SPTY2D1: variants seen among roughly 807,000 people sequenced by gnomAD.
SPTY2D1 encodes the protein SPT2 chromatin protein domain containing 1, also known as protein SPT2 homolog.
A neutral mutation model predicts 64.0 loss-of-function variants in SPTY2D1; 21 were observed. That is an observed-to-expected ratio of 0.33 (90% CI 0.23 to 0.47). The LOEUF (loss-of-function observed/expected upper bound fraction) is 0.47. Ranked by LOEUF, SPTY2D1 falls within the 20% of genes least tolerant of loss-of-function variation. The probability of loss-of-function intolerance (pLI) is 1.00; values close to 1 mark genes in which losing one functional copy is unlikely to be tolerated. For synonymous variants in SPTY2D1, 287 were observed against 286.8 expected, an observed-to-expected ratio of 1.00 and a Z score of -0.01; for missense variants, 724 against 837.2, an observed-to-expected ratio of 0.86 and a Z score of 1.67.
chr11:18,622,437 G>A (rs1854426983), intron 1 of SPTY2D1, among the ~76,000 whole-genome samples: 1 of 152,076 alleles, frequency 6.6e-6, no homozygotes, highest in African/African-American at 2.4e-5. Flanking sequence ...TGATGTGGGA[G>A]GATGGCTTCC....
rs537775543 is a variant in SPTY2D1 at position 18,607,158 on chromosome 11, C to T, written c.*2703G>A. 4.8e-4 allele frequency: 79 copies of T among 164,348 alleles called. 1 individual carries two copies. Among genetic ancestry groups the T allele is most frequent in the Middle Eastern group, 3.0e-3 (1 of 336 alleles). 10.2% of individuals were successfully genotyped at this position (164,348 alleles called of 1,614,324 possible). ...GATTACAGGCTTGAGCCACCATGCC[C>T]GGCCAGACTTACTTTTTTGTTAACG... On this transcript the variant is annotated 3_prime_UTR_variant, in exon 6 of 6. Coordinates refer to ENST00000336349, the MANE Select transcript of SPTY2D1 (RefSeq NM_194285.3).
chr11:18,616,088 C>G lies in SPTY2D1; in HGVS notation c.186G>C (p.Glu62Asp), dbSNP rs1446371559. The G allele has an allele frequency of 1.2e-6, 2 of 1,607,308 alleles. No individual in the cohort carries two copies. Among genetic ancestry groups the G allele is most frequent in the South Asian group, 2.2e-5 (2 of 90,390 alleles). Residue 62 changes from glutamate to aspartate, a missense_variant, in exon 3 of 6, where the codon GAG becomes GAC. Coordinates refer to ENST00000336349, the MANE Select transcript of SPTY2D1 (RefSeq NM_194285.3). ...EEELRRKALE[E>D]KRRKEELVKK... Reference sequence around the variant, plus strand: ...TCACTAGTTCCTCTTTTCTCCTTTTCTCCTCTAAGGCTAAAAGGGACAAAA... The same window carrying G: ...TCACTAGTTCCTCTTTTCTCCTTTTGTCCTCTAAGGCTAAAAGGGACAAAA...
chr11:18,622,000 T>C (rs1367772489), intron 1 of SPTY2D1, among the ~76,000 whole-genome samples: 4 of 143,398 alleles, frequency 2.8e-5, no homozygotes, highest in African/African-American at 5.2e-5. Flanking sequence ...GGCAGGAGGA[T>C]TGTCTCAGCC....
chr11:18,616,093 C>T lies in SPTY2D1; in HGVS notation c.181G>A (p.Glu61Lys). The T allele has an allele frequency of 6.2e-7, 1 of 1,603,618 alleles. No individual in the cohort carries two copies. The highest frequency in any genetic ancestry group is 1.1e-5 in the South Asian group (1 of 89,902). The change falls in exon 3 of 6, where the codon GAG becomes AAG. Residue 61 changes from glutamate to lysine, a missense_variant. By Grantham distance (56) the Glu-to-Lys change is moderately conservative (BLOSUM62 1). Coordinates refer to ENST00000336349, the MANE Select transcript of SPTY2D1 (RefSeq NM_194285.3). The part of the protein sequence containing the change: ...KEEELRRKAL[E>K]EKRRKEELVK... ...AGTTCCTCTTTTCTCCTTTTCTCCT[C>T]TAAGGCTAAAAGGGACAAAACAAGA...
chr11:18,609,583 T>A lies in SPTY2D1; in HGVS notation c.*278A>T. On this transcript the variant is annotated 3_prime_UTR_variant, in exon 6 of 6. Coordinates refer to ENST00000336349, the MANE Select transcript of SPTY2D1 (RefSeq NM_194285.3). ...GGCTGACTGGTGAGTGGCCCCACAT[T>A]AGAGTGCATAGCTCATCAGGATCAA... 1 of 376,270 alleles carries A rather than the reference T, an allele frequency of 2.7e-6. No individual in the cohort carries two copies. The highest frequency in any genetic ancestry group is 4.8e-6 in the Non-Finnish European group (1 of 209,162). 23.3% of individuals were successfully genotyped at this position (376,270 alleles called of 1,614,324 possible).
chr11:18,619,618 G>C (rs755111671), intron 1 of SPTY2D1, among the ~76,000 whole-genome samples: 5 of 152,082 alleles, frequency 3.3e-5, no homozygotes, highest in African/African-American at 9.7e-5. Context: ...TTAGCTGGGC[G>C]TGGTGGTGCC....
intron 1 of SPTY2D1, among the ~76,000 whole-genome samples, chr11:18,631,049 G>A (rs1032659109): frequency 1.3e-5 from 2 of 152,088 alleles, no homozygotes. Context: ...ACATTGGCCA[G>A]GCTGGTCTCA....
At chr11:18,626,387 A>T (rs1248047405) in intron 1 of SPTY2D1, among the ~76,000 whole-genome samples, 1 of 151,612 alleles carries the variant, frequency 6.6e-6, no homozygotes, top group African/African-American at 2.4e-5. Flanking sequence ...ATCAGACTCT[A>T]CTGTATACTA....
intron 1 of SPTY2D1, among the ~76,000 whole-genome samples, chr11:18,621,350 G>GAAAAGAAAAGAAAAGAA (rs1445626628): frequency 2.0e-5 from 3 of 150,370 alleles, no homozygotes; most frequent in Non-Finnish European, 4.4e-5. Context: ...GAAAAGAAAA[G>GAAAAGAAAAGAAAAGAA]AAAAGAAAAG....
chr11:18,610,657 C>A (rs555724343), intron 5 of SPTY2D1, among the ~76,000 whole-genome samples: 3 of 136,604 alleles, frequency 2.2e-5, no homozygotes, highest in African/African-American at 5.9e-5. Context: ...CAGAGCAAGA[C>A]CCTGTCTCTT....
intron 1 of SPTY2D1, among the ~76,000 whole-genome samples, chr11:18,624,008 T>C (rs1590404587): frequency 6.6e-6 from 1 of 152,212 alleles, no homozygotes; most frequent in Non-Finnish European, 1.5e-5. Flanking sequence ...CTGTGAACAT[T>C]TGTGTACAAG....
Position 18,612,302 on chromosome 11 carries a change from C to T in SPTY2D1, c.1886+12G>A. On this transcript the variant is annotated intron_variant, in intron 4 of 5. Coordinates refer to ENST00000336349, the MANE Select transcript of SPTY2D1 (RefSeq NM_194285.3). The surrounding 1 kb of genome is among the most constrained non-coding windows in gnomAD (Gnocchi z 4.6). ...AGGATGTCATAGTTATCTGAATCTT[C>T]TTTAGTCTTACTTTTTTCGGTCATA... 7 of 1,581,230 alleles carry T rather than the reference C, an allele frequency of 4.4e-6. No homozygotes were observed. The highest frequency in any genetic ancestry group is 1.2e-5 in the South Asian group (1 of 84,842).
At position 18,615,758 on chromosome 11, in the gene SPTY2D1, T is replaced by A; in HGVS notation, c.516A>T (p.Leu172Phe). ...SAPPPMNFTD[L>F]LRLAEKKQFE... ...ACTGCTTTTTCTCAGCCAGCCTGAG[T>A]AAATCAGTGAAGTTCATGGGTGGTG... is the stretch of plus-strand genomic sequence containing the variant. The change falls in exon 3 of 6, where the codon TTA becomes TTT. Residue 172 changes from leucine to phenylalanine, a missense_variant. Leu to Phe is a conservative substitution (Grantham distance 22, BLOSUM62 0). Around this residue, in one of 3 missense-constraint regions of SPTY2D1, gnomAD observed 179 missense variants for 232.5 expected, o/e 0.77. Transcript: ENST00000336349. 1 of 1,614,002 alleles carries A rather than the reference T, an allele frequency of 6.2e-7. No homozygotes were observed. The highest frequency in any genetic ancestry group is 8.5e-7 in the Non-Finnish European group (1 of 1,179,946).
chr11:18,620,435 C>CG (rs1854375674), intron 1 of SPTY2D1, among the ~76,000 whole-genome samples: 1 of 152,004 alleles, frequency 6.6e-6, no homozygotes, highest in Non-Finnish European at 1.5e-5. Flanking sequence ...GCCAAGATCA[C>CG]GCCACTGCAT....
At chr11:18,634,154 G>T in intron 1 of SPTY2D1, 44 bp downstream of exon 1, 2 of 1,610,060 alleles carry the variant, frequency 1.2e-6, no homozygotes, top group Non-Finnish European at 1.7e-6. Context: ...TTCCGAACTT[G>T]GAAGACTAGG....
chr11:18,615,687 G>C lies in SPTY2D1; in HGVS notation c.587C>G (p.Pro196Arg), dbSNP rs768928091. 2 of 1,614,062 alleles carry C rather than the reference G, an allele frequency of 1.2e-6. No homozygotes were observed. The highest frequency in any genetic ancestry group is 1.7e-6 in the Non-Finnish European group (2 of 1,180,018). The stretch of plus-strand genomic sequence containing the variant: ...CTCCCTAAGTTCTTCTGCGGTCATA[G>C]GTCGCTCTTCTGATTTCTTCACTAC... ...IKVVKKSEER[P>R]MTAEELRERE... Residue 196 changes from proline to arginine, a missense_variant, in exon 3 of 6, where the codon CCT (proline) becomes CGT (arginine). Around this residue, in one of 3 missense-constraint regions of SPTY2D1, gnomAD observed 179 missense variants for 232.5 expected, o/e 0.77. Coordinates refer to ENST00000336349, the MANE Select transcript of SPTY2D1 (RefSeq NM_194285.3).
At chr11:18,617,010 A>AT (rs1854310242) in intron 1 of SPTY2D1, 21 bp from the exon 2 acceptor site, 1 of 1,604,270 alleles carries the variant, frequency 6.2e-7, no homozygotes, top group Non-Finnish European at 8.5e-7. Context: ...AAACAGTAAA[A>AT]GTTAGAAGCA....
intron 1 of SPTY2D1, among the ~76,000 whole-genome samples, chr11:18,622,768 A>G (rs1423408469): frequency 6.6e-6 from 1 of 151,992 alleles, no homozygotes; most frequent in African/African-American, 2.4e-5. Context: ...CCTGATGAAC[A>G]TGATGAAATC....
chr11:18,631,650 T>C (rs56370668), intron 1 of SPTY2D1, among the ~76,000 whole-genome samples: 4,898 of 138,242 alleles, frequency 0.035, 106 homozygotes, highest in Non-Finnish European at 0.054. Context: ...TTAAAATAGA[T>C]GGCAAAAAAA....
Sources: allele counts gnomAD v4.1 joint callset (sites outside exome capture counted in the v4.1 genomes callset), GRCh38; gene constraint gnomAD v4.1.1; regional missense constraint gnomAD v4.1.1; non-coding constraint Gnocchi (gnomAD v3.1); transcripts MANE v1.5; gene names NCBI Gene and HGNC (gene_info 2026-07-23, HGNC 2026-07-21).